The following MAGI2 variants were observed in gnomAD, a reference collection of about 807,000 sequenced individuals.
The protein encoded by MAGI2 is membrane-associated guanylate kinase, WW and PDZ domain-containing protein 2.
MAGI2 carries 35 observed loss-of-function variants against 133.3 expected under a neutral mutation model. That is an observed-to-expected ratio of 0.26 (90% CI 0.20 to 0.35). The LOEUF (loss-of-function observed/expected upper bound fraction) is 0.35. Among genes scored for constraint, MAGI2 ranks in the 10% least tolerant of loss-of-function variants. The probability of loss-of-function intolerance (pLI) is 1.00; values close to 1 mark genes in which losing one functional copy is unlikely to be tolerated. For synonymous variants in MAGI2, 729 were observed against 710.6 expected (o/e 1.03, Z -0.41); for missense variants, 1,636 against 1,863.4 (o/e 0.88, Z 2.25).
intron 3 of MAGI2, among the ~76,000 whole-genome samples, chr7:78,531,215 G>GTTTTT (rs373643954): frequency 1.5e-5 from 2 of 135,670 alleles, no homozygotes; most frequent in African/African-American, 5.6e-5. Flanking sequence ...TATTAATTAA[G>GTTTTT]TTTTTTTTTT....
chr7:78,597,994 A>G (rs1804798987), intron 3 of MAGI2, among the ~76,000 whole-genome samples: 1 of 152,190 alleles, frequency 6.6e-6, no homozygotes, highest in African/African-American at 2.4e-5. Flanking sequence ...CAAGGTAAAA[A>G]CAATATATTC....
At chr7:78,533,377 A>G (rs1277905864) in intron 3 of MAGI2, among the ~76,000 whole-genome samples, 2 of 152,220 alleles carry the variant, frequency 1.3e-5, no homozygotes, top group Admixed American at 1.3e-4. Flanking sequence ...AAAAGTAAGG[A>G]CAAGGAGGCA....
intron 21 of MAGI2, among the ~76,000 whole-genome samples, chr7:78,026,768 A>G (rs1225844612): frequency 6.6e-6 from 1 of 152,216 alleles, no homozygotes; most frequent in African/African-American, 2.4e-5. Flanking sequence ...TCCGAAAGCC[A>G]TGAATAAGAG....
intron 2 of MAGI2, among the ~76,000 whole-genome samples, chr7:78,781,875 G>A (rs367627006): frequency 2.6e-4 from 40 of 152,244 alleles, no homozygotes; most frequent in African/African-American, 8.7e-4. Flanking sequence ...CTGAATTTTT[G>A]CTTTGAAATC....
chr7:79,012,640 G>T (rs750815298), intron 1 of MAGI2, among the ~76,000 whole-genome samples: 1 of 152,046 alleles, frequency 6.6e-6, no homozygotes, highest in Non-Finnish European at 1.5e-5. Context: ...AGAACACTAG[G>T]TTTTCAGTCA....
intron 1 of MAGI2, among the ~76,000 whole-genome samples, chr7:79,054,949 A>T (rs1473469594): frequency 6.6e-6 from 1 of 152,038 alleles, no homozygotes; most frequent in Non-Finnish European, 1.5e-5. Flanking sequence ...CACCACCATG[A>T]CCAGCTAATT....
chr7:78,960,105 T>C (rs1802717517), intron 2 of MAGI2, among the ~76,000 whole-genome samples: 1 of 152,104 alleles, frequency 6.6e-6, no homozygotes. Flanking sequence ...AGAATCCTAA[T>C]GCACCATGTT....
chr7:78,333,489 T>C (rs930892893), intron 9 of MAGI2, among the ~76,000 whole-genome samples: 3 of 152,158 alleles, frequency 2.0e-5, no homozygotes, highest in Non-Finnish European at 2.9e-5. Context: ...ATCCAAAGAG[T>C]AGAAAAGTTG....
intron 2 of MAGI2, among the ~76,000 whole-genome samples, chr7:78,862,495 G>T (rs1296666151): frequency 6.6e-6 from 1 of 152,080 alleles, no homozygotes; most frequent in South Asian, 2.1e-4. Flanking sequence ...GTCCAGGAAG[G>T]GTTTTCTTAG....
chr7:79,063,580 A>G (rs1813993924), intron 1 of MAGI2, among the ~76,000 whole-genome samples: 1 of 152,060 alleles, frequency 6.6e-6, no homozygotes, highest in South Asian at 2.1e-4. Flanking sequence ...AGGCAAAGGC[A>G]TGGTTTTATT....
At chr7:79,055,575 A>G (rs1053672123) in intron 1 of MAGI2, among the ~76,000 whole-genome samples, 2 of 152,048 alleles carry the variant, frequency 1.3e-5, no homozygotes, top group Admixed American at 6.6e-5. Context: ...TTTGCAAATA[A>G]CTCCAGAGCA....
intron 1 of MAGI2, among the ~76,000 whole-genome samples, chr7:79,137,141 G>A (rs1350173598): frequency 6.6e-5 from 10 of 151,990 alleles, no homozygotes; most frequent in Admixed American, 1.3e-4. Flanking sequence ...TGGCTTATGT[G>A]GTGGGAAAGG....
intron 1 of MAGI2, among the ~76,000 whole-genome samples, chr7:79,331,497 A>G (rs1419233771): frequency 1.3e-5 from 2 of 152,192 alleles, no homozygotes; most frequent in Non-Finnish European, 2.9e-5. Flanking sequence ...CTTATTTTAT[A>G]TAGATTAACT....
At chr7:78,618,141 T>A (rs928412697) in intron 3 of MAGI2, 13 of 152,152 alleles carry the variant, frequency 8.5e-5, no homozygotes, top group African/African-American at 3.1e-4. Flanking sequence ...AATAAAACAT[T>A]TGCTTTATTA....
intron 9 of MAGI2, among the ~76,000 whole-genome samples, chr7:78,341,754 C>T (rs959187290): frequency 3.3e-5 from 5 of 152,130 alleles, no homozygotes; most frequent in African/African-American, 1.2e-4. Flanking sequence ...ACTGGCTAGC[C>T]ATACGCAGAA....
At chr7:78,910,935 C>A (rs1195379144) in intron 2 of MAGI2, among the ~76,000 whole-genome samples, 1 of 152,188 alleles carries the variant, frequency 6.6e-6, no homozygotes, top group Non-Finnish European at 1.5e-5. Flanking sequence ...CACATTTGCA[C>A]TCTTGACCAA....
At chr7:78,117,222 A>G (rs1238953491) in intron 20 of MAGI2, among the ~76,000 whole-genome samples, 1 of 152,016 alleles carries the variant, frequency 6.6e-6, no homozygotes, top group Non-Finnish European at 1.5e-5. Context: ...AATCTTTCCA[A>G]GATACTACAA....
chr7:78,117,714 A>T (rs983324211), intron 20 of MAGI2, among the ~76,000 whole-genome samples: 1 of 152,188 alleles, frequency 6.6e-6, no homozygotes, highest in Admixed American at 6.5e-5. Flanking sequence ...AGGGAAAAAA[A>T]CCTCAAAACT....
chr7:79,269,260 C>T (rs1834700594), intron 1 of MAGI2, among the ~76,000 whole-genome samples: 1 of 152,076 alleles, frequency 6.6e-6, no homozygotes, highest in Non-Finnish European at 1.5e-5. Context: ...GCAACTCAAT[C>T]CCTAGTGGAA....
Sources: gnomAD v4.1 joint callset for allele counts (sites outside exome capture counted in the v4.1 genomes callset) on GRCh38, gnomAD v4.1.1 for gene constraint, MANE v1.5 for transcripts, NCBI Gene and HGNC (gene_info 2026-07-23, HGNC 2026-07-21) for gene names.